PPARGC1A: variants seen among roughly 807,000 people sequenced by gnomAD.
The protein encoded by PPARGC1A is peroxisome proliferator-activated receptor gamma coactivator 1-alpha.
PPARGC1A carries 25 observed loss-of-function variants against 88.7 expected under a neutral mutation model. That is an observed-to-expected ratio of 0.28 (90% CI 0.21 to 0.39). PPARGC1A has a LOEUF of 0.39. Ranked by LOEUF, PPARGC1A falls within the 10% of genes least tolerant of loss-of-function variation. PPARGC1A has a pLI of 1.00. For synonymous variants in PPARGC1A, 363 were observed against 355.6 expected, an observed-to-expected ratio of 1.02 and a Z score of -0.24; for missense variants, 880 against 968.7, an observed-to-expected ratio of 0.91 and a Z score of 1.22.
At chr4:23,889,719 T>C (rs1281990394) in intron 1 of PPARGC1A, among the ~76,000 whole-genome samples, 185 bp downstream of exon 1, 1 of 152,182 alleles carries the variant, frequency 6.6e-6, no homozygotes, top group African/African-American at 2.4e-5. Context: ...TCAAGCCATC[T>C]CAGAGCCACC....
chr4:24,402,632 A>C, the PPARGC1A span, among the ~76,000 whole-genome samples: 4 of 152,216 alleles, frequency 2.6e-5, no homozygotes, highest in African/African-American at 9.6e-5. Context: ...TACACACCAG[A>C]GATGAGGACT....
intron 1 of PPARGC1A, among the ~76,000 whole-genome samples, chr4:23,885,831 T>C (rs2970877): frequency 1.4e-4 from 22 of 152,178 alleles, no homozygotes; most frequent in Middle Eastern, 3.4e-3. Context: ...TTAAAATAAT[T>C]TCTACATATT....
chr4:24,212,018 C>A, the PPARGC1A span, among the ~76,000 whole-genome samples: 1 of 152,138 alleles, frequency 6.6e-6, no homozygotes, highest in Admixed American at 6.5e-5. Flanking sequence ...CTTTCTACGC[C>A]CTTTCTACAA....
intron 2 of PPARGC1A, chr4:23,880,057 A>C (rs1715612901): frequency 6.7e-6 from 1 of 148,594 alleles, no homozygotes; most frequent in African/African-American, 2.6e-5. Context: ...ACACACACAT[A>C]TATATGCATG....
the PPARGC1A span, among the ~76,000 whole-genome samples, chr4:23,919,479 G>C: frequency 7.0e-6 from 1 of 143,056 alleles, no homozygotes; most frequent in South Asian, 2.4e-4. Context: ...ATCTTAGAAG[G>C]TATTATGCCT....
chr4:23,795,308 T>TAC lies in PPARGC1A; in HGVS notation c.*513_*514insGT, dbSNP rs1717338610. ...TTTTTAATTTATATATATATATATA[T>TAC]ATATATATATATATATATATATTTC... On this transcript the variant is annotated 3_prime_UTR_variant, in exon 13 of 13. Transcript: ENST00000264867. 7.0e-6 allele frequency: 1 copy of TAC among 143,580 alleles called. No individual in the cohort carries two copies. The highest frequency in any genetic ancestry group is 2.6e-5 in the African/African-American group (1 of 39,146). The allele number at this position is 143,580 out of a possible 1,614,324, so 8.9% of individuals were successfully genotyped here. A position where few individuals can be genotyped will look rare whatever the true frequency, so the allele number is the denominator to read the frequency against.
At chr4:24,136,975 G>A in the PPARGC1A span, among the ~76,000 whole-genome samples, 2 of 152,004 alleles carry the variant, frequency 1.3e-5, no homozygotes, top group Non-Finnish European at 2.9e-5. Flanking sequence ...TTAGCCAGGT[G>A]TGGTGGCATG....
At chr4:24,273,722 G>A in the PPARGC1A span, among the ~76,000 whole-genome samples, 2 of 136,192 alleles carry the variant, frequency 1.5e-5, no homozygotes, top group African/African-American at 2.8e-5. Flanking sequence ...TCCCCTTGGG[G>A]CACTTTTTTT....
chr4:24,328,576 ATAGT>A, the PPARGC1A span, among the ~76,000 whole-genome samples: 12 of 152,202 alleles, frequency 7.9e-5, no homozygotes, highest in African/African-American at 2.9e-4. Flanking sequence ...CATCCAGCAG[ATAGT>A]TAAAGGGGTT....
chr4:24,340,422 C>A, the PPARGC1A span, among the ~76,000 whole-genome samples: 3 of 152,132 alleles, frequency 2.0e-5, no homozygotes, highest in Admixed American at 6.6e-5. Context: ...TTTATACATC[C>A]TTTTTGTGGT....
At chr4:23,863,608 C>T (rs1470838061) in intron 2 of PPARGC1A, among the ~76,000 whole-genome samples, 2 of 152,118 alleles carry the variant, frequency 1.3e-5, no homozygotes. Flanking sequence ...TTTTTTATTC[C>T]AACATCTAGC....
At chr4:23,970,004 G>T in the PPARGC1A span, among the ~76,000 whole-genome samples, 1 of 152,192 alleles carries the variant, frequency 6.6e-6, no homozygotes, top group Non-Finnish European at 1.5e-5. Context: ...GAGACAGCAA[G>T]ATGGTGATAT....
the PPARGC1A span, among the ~76,000 whole-genome samples, chr4:24,243,347 C>A: frequency 6.6e-6 from 1 of 152,108 alleles, no homozygotes. Context: ...AGCAGAGCAT[C>A]CCACCTCACA....
chr4:23,933,789 A>G, the PPARGC1A span, among the ~76,000 whole-genome samples: 2 of 152,168 alleles, frequency 1.3e-5, no homozygotes, highest in African/African-American at 4.8e-5. Context: ...TCACCTAATC[A>G]TTCATATGCC....
At chr4:23,981,163 A>G in the PPARGC1A span, among the ~76,000 whole-genome samples, 2 of 152,118 alleles carry the variant, frequency 1.3e-5, no homozygotes, top group East Asian at 3.9e-4. Flanking sequence ...CTTGCAGTTG[A>G]GTATTTCTCC....
chr4:24,367,574 T>C, the PPARGC1A span, among the ~76,000 whole-genome samples: 2 of 152,148 alleles, frequency 1.3e-5, no homozygotes, highest in African/African-American at 4.8e-5. Flanking sequence ...CAAATAATAA[T>C]AAGTAATTTA....
At chr4:24,317,816 G>A in the PPARGC1A span, among the ~76,000 whole-genome samples, 10 of 152,162 alleles carry the variant, frequency 6.6e-5, no homozygotes, top group South Asian at 4.1e-4. Flanking sequence ...CTACCAAGAC[G>A]AACGTGCCCT....
At chr4:24,278,595 T>C in the PPARGC1A span, among the ~76,000 whole-genome samples, 125,539 of 152,098 alleles carry the variant, frequency 0.83, 52,005 homozygotes, top group East Asian at 1. Flanking sequence ...CAGTCCCTTC[T>C]GTTTTTCATG....
the PPARGC1A span, among the ~76,000 whole-genome samples, chr4:24,447,046 G>A: frequency 1.6e-4 from 24 of 152,084 alleles, no homozygotes; most frequent in African/African-American, 5.6e-4. Flanking sequence ...ACTCCAAGAC[G>A]GCCTTGCTCC....
Sources: gnomAD v4.1 joint callset for allele counts (sites outside exome capture counted in the v4.1 genomes callset) on GRCh38, gnomAD v4.1.1 for gene constraint, MANE v1.5 for transcripts, NCBI Gene and HGNC (gene_info 2026-07-23, HGNC 2026-07-21) for gene names.